CLPTM1L: variants seen among roughly 807,000 people sequenced by gnomAD.
CLPTM1L encodes lipid scramblase CLPTM1L.
Under a neutral mutation model 70.9 loss-of-function variants are expected in CLPTM1L, and 38 were observed. The ratio of observed to expected loss-of-function variants is 0.54; its 90% CI spans 0.41 to 0.70. The LOEUF is 0.70. Among genes scored for constraint, CLPTM1L ranks in the 30% least tolerant of loss-of-function variants. The pLI, the probability that CLPTM1L is intolerant of heterozygous loss-of-function variation, is 0.00. For synonymous variants in CLPTM1L, 339 were observed against 299.9 expected (o/e 1.13, Z -1.35); for missense variants, 652 against 705.9 (o/e 0.92, Z 0.87).
At chr5:1,341,217 G>C (rs1221320834) in intron 3 of CLPTM1L, among the ~76,000 whole-genome samples, 1 of 152,206 alleles carries the variant, frequency 6.6e-6, no homozygotes, top group Non-Finnish European at 1.5e-5. Context: ...ACTACAACTT[G>C]TACCTCTACC....
chr5:1,331,798 C>T lies in CLPTM1L; in HGVS notation c.976+1G>A. 6.2e-7 allele frequency: 1 copy of T among 1,613,144 alleles called. No individual in the cohort carries two copies. The highest frequency in any genetic ancestry group is 8.5e-7 in the Non-Finnish European group (1 of 1,179,936). Reference sequence around the variant, plus strand: ...AGCAGGGCCACGCTCGGGGGGCCTACCTGCCTTGGTGGACATGCCGATCAT... The same window carrying T: ...AGCAGGGCCACGCTCGGGGGGCCTATCTGCCTTGGTGGACATGCCGATCAT... On this transcript the variant is annotated splice_donor_variant, in intron 8 of 16. Transcript: ENST00000320895. LOFTEE classifies it high-confidence loss of function.
At chr5:1,325,344 G>A (rs778765339) in intron 10 of CLPTM1L, 9 of 251,558 alleles carry the variant, frequency 3.6e-5, no homozygotes, top group Non-Finnish European at 5.3e-5. Context: ...CCTTATGGGC[G>A]CCCAGGCACT....
chr5:1,319,626 T>C (rs1752037500), intron 16 of CLPTM1L, among the ~76,000 whole-genome samples: 1 of 152,116 alleles, frequency 6.6e-6, no homozygotes, highest in Non-Finnish European at 1.5e-5. Context: ...ATCCCTCTCC[T>C]GCACTAGTAG....
rs1753994432 is a variant in CLPTM1L, at chr5:1,342,194, A to C, written c.264-334T>G. On this transcript the variant is annotated intron_variant, in intron 2 of 16. Coordinates refer to ENST00000320895, the MANE Select transcript of CLPTM1L (RefSeq NM_030782.5). The surrounding 1 kb of genome is among the most constrained non-coding windows in gnomAD (Gnocchi z 4.3). ...AGGCTGAAGCAGCCAGATGGAAAGC[A>C]GCTTCTGGGCCTGGCCAGGGTACCA... Among the ~76,000 whole-genome samples, 2 of 152,194 alleles carry C rather than the reference A, an allele frequency of 1.3e-5. No homozygotes were observed. The highest frequency in any genetic ancestry group is 2.9e-5 in the Non-Finnish European group (2 of 68,034).
intron 16 of CLPTM1L, 177 bp downstream of exon 16, chr5:1,320,439 A>G (rs569879063): frequency 1.2e-5 from 6 of 488,978 alleles, no homozygotes; most frequent in African/African-American, 1.0e-4. Context: ...TTGCCAGGAC[A>G]TATCATGGGC....
intron 7 of CLPTM1L, among the ~76,000 whole-genome samples, chr5:1,333,952 G>C (rs1237793207): frequency 6.6e-6 from 1 of 152,130 alleles, no homozygotes; most frequent in East Asian, 1.9e-4. Context: ...GCAGGGGAGA[G>C]TGAGATGCCT....
At chr5:1,324,615 T>C (rs1001356355) in intron 11 of CLPTM1L, 148 bp downstream of exon 11, 1 of 763,120 alleles carries the variant, frequency 1.3e-6, no homozygotes, top group South Asian at 1.7e-5. Context: ...ATTTGGGTTT[T>C]ATGTGTTCAC....
At chr5:1,335,197 G>A in intron 5 of CLPTM1L, 23 bp from the exon 6 acceptor site, 1 of 1,594,720 alleles carries the variant, frequency 6.3e-7, no homozygotes, top group Admixed American at 1.7e-5. Context: ...GCCACACTGA[G>A]GGCCCTGCCC....
chr5:1,322,775 A>C, intron 13 of CLPTM1L, 102 bp downstream of exon 13: 6 of 1,250,558 alleles, frequency 4.8e-6, no homozygotes, highest in Non-Finnish European at 7.1e-6. Flanking sequence ...GATTAGCCTC[A>C]AATCACAGGG....
chr5:1,336,470 G>C (rs1001839721), intron 5 of CLPTM1L, among the ~76,000 whole-genome samples: 7 of 152,230 alleles, frequency 4.6e-5, no homozygotes, highest in Admixed American at 2.6e-4. Flanking sequence ...CAGACACACA[G>C]GGCAGCCTTC....
rs760654874 is a variant in CLPTM1L, at chr5:1,338,860, A to C, written c.599T>G (p.Met200Arg). 1.2e-6 allele frequency: 2 copies of C among 1,613,204 alleles called. No individual in the cohort carries two copies. Among genetic ancestry groups the C allele is most frequent in the Admixed American group, 1.7e-5 (1 of 60,030 alleles). The change falls in exon 4 of 17, where the codon ATG (methionine) becomes AGG (arginine). Residue 200 changes from methionine to arginine, a missense_variant and splice_region_variant. Coordinates refer to ENST00000320895, the MANE Select transcript of CLPTM1L (RefSeq NM_030782.5). ...LPADVHRYMKMIQLGKTVHYL... is the reference protein window; with the variant it reads ...LPADVHRYMKRIQLGKTVHYL... ...GCTCCAGCTCTGGGGCCCCACTTAC[A>C]TCTTCATGTACCGATGCACATCGGC...
chr5:1,335,205 C>T (rs1488600605), intron 5 of CLPTM1L, 31 bp from the exon 6 acceptor site: 3 of 1,563,564 alleles, frequency 1.9e-6, no homozygotes, highest in East Asian at 2.2e-5. Context: ...GAGGGCCCTG[C>T]CCTCATACCC....
rs543212646 is a variant in CLPTM1L, at chr5:1,342,920, C to T, written c.264-1060G>A. On this transcript the variant is annotated intron_variant, in intron 2 of 16. Coordinates refer to ENST00000320895, the MANE Select transcript of CLPTM1L (RefSeq NM_030782.5). This position sits in a 1 kb window ranked among gnomAD's most constrained non-coding sequence, Gnocchi z 4.3. ...TAAAAATCTTACGGTTGGCCGGGTG[C>T]GGCGGCTCACGCCTGTAATCCCAGC... Among the ~76,000 whole-genome samples the T allele has an allele frequency of 6.6e-5, 10 of 152,320 alleles. No homozygotes were observed. Among genetic ancestry groups the T allele is most frequent in the African/African-American group, 1.9e-4 (8 of 41,576 alleles).
intron 6 of CLPTM1L, among the ~76,000 whole-genome samples, chr5:1,334,754 AAAACAAACAAACAAAC>A (rs3030834): frequency 6.6e-6 from 1 of 151,108 alleles, no homozygotes; most frequent in Non-Finnish European, 1.5e-5. Flanking sequence ...ACTCTGTCTC[AAAACAAACAAACAAAC>A]AAACAAACAA....
chr5:1,326,286 C>T, intron 9 of CLPTM1L: 1 of 258,120 alleles, frequency 3.9e-6, no homozygotes. Context: ...GCCTGTGGAG[C>T]TCCAGCGTCA....
rs775402816 is a variant in CLPTM1L, at chr5:1,338,851, C to T, written c.599+9G>A. 1 of 1,613,000 alleles carries T rather than the reference C, an allele frequency of 6.2e-7. No individual in the cohort carries two copies. The highest frequency in any genetic ancestry group is 8.5e-7 in the Non-Finnish European group (1 of 1,179,920). On this transcript the variant is annotated intron_variant, in intron 4 of 16. Transcript: ENST00000320895. ...CCCCCCGGCGCTCCAGCTCTGGGGC[C>T]CCACTTACATCTTCATGTACCGATG...
chr5:1,320,619 C>A lies in CLPTM1L; in HGVS notation c.1529G>T (p.Arg510Leu). 6.5e-7 allele frequency: 1 copy of A among 1,528,988 alleles called. No homozygotes were observed. Among genetic ancestry groups the A allele is most frequent in the Non-Finnish European group, 8.8e-7 (1 of 1,132,286 alleles). The allele number at this position is 1,528,988 out of a possible 1,614,324, so 94.7% of individuals were successfully genotyped here. A position where few individuals can be genotyped will look rare whatever the true frequency, so the allele number is the denominator to read the frequency against. ...GAGCATACGCAGCCGCACTCACCAC[C>A]GCTGGTACAGGTAGACCAGAAACAC... ...DVVFLVYLYQ[R>L]WLYPVDKRRV... Residue 510 changes from arginine to leucine, a missense_variant, in exon 16 of 17, where the codon CGG becomes CTG. By Grantham distance (102) the Arg-to-Leu change is moderately radical. This residue lies in a region of CLPTM1L where 240 missense variants were observed against 295.0 expected (regional missense o/e 0.81). Transcript: ENST00000320895.
chr5:1,328,525 T>A (rs1561236800), intron 9 of CLPTM1L, among the ~76,000 whole-genome samples: 1 of 149,726 alleles, frequency 6.7e-6, no homozygotes, highest in Non-Finnish European at 1.5e-5. Flanking sequence ...GCTCCTCCTC[T>A]GCAGACACAT....
intron 7 of CLPTM1L, among the ~76,000 whole-genome samples, chr5:1,333,576 AG>A (rs1753309859): frequency 4.6e-4 from 8 of 17,456 alleles, no homozygotes; most frequent in Admixed American, 1.1e-3. Context: ...GGATAAGGGG[AG>A]ACTACTGTAT....
Sources: gnomAD v4.1 joint callset for allele counts (sites outside exome capture counted in the v4.1 genomes callset) on GRCh38, gnomAD v4.1.1 for gene constraint, gnomAD v4.1.1 regional missense constraint, Gnocchi (gnomAD v3.1) non-coding constraint, MANE v1.5 for transcripts, NCBI Gene and HGNC (gene_info 2026-07-23, HGNC 2026-07-21) for gene names.